ZNF679: variants seen among roughly 807,000 people sequenced by gnomAD.
The protein encoded by ZNF679 is zinc finger protein 679.
ZNF679 carries 10 observed loss-of-function variants against 13.4 expected under a neutral mutation model. The ratio of observed to expected loss-of-function variants is 0.75; its 90% CI spans 0.46 to 1.27. ZNF679 has a LOEUF of 1.27. Ranked by LOEUF, ZNF679 falls within the 50% of genes most tolerant of loss-of-function variation. The probability of loss-of-function intolerance (pLI) is 0.00; values close to 1 mark genes in which losing one functional copy is unlikely to be tolerated. For synonymous variants in ZNF679, 179 were observed against 162.5 expected (o/e 1.10, Z -0.77); for missense variants, 525 against 477.8 (o/e 1.10, Z -0.92).
chr7:64,250,462 G>A (rs895261694), intron 2 of ZNF679, among the ~76,000 whole-genome samples: 6 of 151,718 alleles, frequency 4.0e-5, no homozygotes, highest in African/African-American at 1.5e-4. Flanking sequence ...TAAAGATAGA[G>A]TTTTGCCATG....
At chr7:64,239,411 G>A (rs2116515506) in intron 1 of ZNF679, among the ~76,000 whole-genome samples, 1 of 152,232 alleles carries the variant, frequency 6.6e-6, no homozygotes, top group South Asian at 2.1e-4. Context: ...GGAAATGTGG[G>A]TAATTGGGAG....
chr7:64,244,683 AT>A (rs1404697275), intron 1 of ZNF679, among the ~76,000 whole-genome samples: 1 of 152,186 alleles, frequency 6.6e-6, no homozygotes, highest in Non-Finnish European at 1.5e-5. Flanking sequence ...CAGATATCAA[AT>A]CACAAATGAC....
rs1357990461 is a variant in ZNF679 at position 64,236,983 on chromosome 7, GAAAGAAAGAAAGAAAGAAAA to G, written c.-91+8333_-91+8352del. On this transcript the variant is annotated intron_variant, in intron 1 of 4. Transcript: ENST00000421025. ...AAAGAAAGAAAGAAAGAAAAAGAAA[GAAAGAAAGAAAGAAAGAAAA>G]AGAAAGAAAGAAAGAAAGAAACCTA... Among the ~76,000 whole-genome samples, 25 of 65,552 alleles carry G rather than the reference GAAAGAAAGAAAGAAAGAAAA, an allele frequency of 3.8e-4. 1 individual carries two copies. Among genetic ancestry groups the G allele is most frequent in the South Asian group, 2.5e-3 (6 of 2,380 alleles). 43.0% of individuals were successfully genotyped at this position (65,552 alleles called of 152,430 possible).
At chr7:64,259,117 G>T (rs1788042632) in intron 2 of ZNF679, among the ~76,000 whole-genome samples, 1 of 151,934 alleles carries the variant, frequency 6.6e-6, no homozygotes. Context: ...TTACCATGTT[G>T]GCCAGGCTGG....
intron 2 of ZNF679, among the ~76,000 whole-genome samples, chr7:64,254,130 C>CA (rs1787973677): frequency 7.2e-6 from 1 of 138,260 alleles, no homozygotes; most frequent in South Asian, 2.3e-4. Flanking sequence ...TTTATTATTA[C>CA]TTTTTTTTTT....
At chr7:64,250,611 C>T (rs769794358) in intron 2 of ZNF679, among the ~76,000 whole-genome samples, 10 of 151,236 alleles carry the variant, frequency 6.6e-5, no homozygotes, top group Admixed American at 1.3e-4. Context: ...TTTTTTGAGA[C>T]GGAGCCCCAT....
At chr7:64,237,125 G>A (rs1000973467) in intron 1 of ZNF679, among the ~76,000 whole-genome samples, 1 of 152,170 alleles carries the variant, frequency 6.6e-6, no homozygotes, top group Non-Finnish European at 1.5e-5. Context: ...TGTGCATGCA[G>A]GCAGATGGGA....
At chr7:64,239,003 AC>A (rs1197794205) in intron 1 of ZNF679, among the ~76,000 whole-genome samples, 1 of 151,960 alleles carries the variant, frequency 6.6e-6, no homozygotes, top group Admixed American at 6.6e-5. Flanking sequence ...GGATTATGTC[AC>A]CCATGCATAT....
At chr7:64,241,773 G>T (rs569115061) in intron 1 of ZNF679, among the ~76,000 whole-genome samples, 5 of 152,296 alleles carry the variant, frequency 3.3e-5, no homozygotes, top group African/African-American at 1.2e-4. Flanking sequence ...GAGATATTTT[G>T]TAATTTCTCC....
Position 64,266,613 on chromosome 7 carries a change from A to T in ZNF679, c.980A>T (p.Glu327Val). Residue 327 changes from glutamate (E) to valine (V), a missense_variant, in exon 5 of 5, where the codon GAA becomes GTA. Physicochemically the swap from Glu to Val is moderately radical, Grantham distance 121. Coordinates refer to ENST00000421025, the MANE Select transcript of ZNF679 (RefSeq NM_153363.3). ...ACTGGAGAGAAACCCTACACATGTG[A>T]AGAATGTGGCAAAGCCTTTAACTGC... ...IHTGEKPYTC[E>V]ECGKAFNCSS... 5 of 1,610,738 alleles carry T rather than the reference A, an allele frequency of 3.1e-6. No individual in the cohort carries two copies. The highest frequency in any genetic ancestry group is 4.2e-6 in the Non-Finnish European group (5 of 1,177,056).
At chr7:64,243,961 T>C (rs1165357788) in intron 1 of ZNF679, among the ~76,000 whole-genome samples, 1 of 152,092 alleles carries the variant, frequency 6.6e-6, no homozygotes, top group Non-Finnish European at 1.5e-5. Context: ...TTAATTAAGT[T>C]GACTTTTGGG....
intron 2 of ZNF679, among the ~76,000 whole-genome samples, chr7:64,258,453 A>G (rs993547227): frequency 4.6e-5 from 7 of 152,092 alleles, no homozygotes; most frequent in Non-Finnish European, 1.0e-4. Flanking sequence ...ATATAATCCC[A>G]ACACTTAGGG....
chr7:64,253,968 A>G (rs981433666), intron 2 of ZNF679, among the ~76,000 whole-genome samples: 1 of 152,222 alleles, frequency 6.6e-6, no homozygotes, highest in African/African-American at 2.4e-5. Flanking sequence ...TTCTTTTATA[A>G]GAAAAGTAGA....
At position 64,262,343 on chromosome 7, in the gene ZNF679, A is replaced by G. The variant is rs1488718065; in HGVS notation, c.262+1414A>G. Among the ~76,000 whole-genome samples the G allele has an allele frequency of 3.9e-5, 6 of 152,204 alleles. No homozygotes were observed. The East Asian group carries it at 1.2e-3, about 29-fold the overall frequency. ...AAATTTTGAAGTTTAGCCCAGTTAA[A>G]TTTTCCTGTTCTTCTCTTTGTTGCT... On this transcript the variant is annotated intron_variant, in intron 4 of 4. Coordinates refer to ENST00000421025, the MANE Select transcript of ZNF679 (RefSeq NM_153363.3).
Position 64,266,861 on chromosome 7 carries a change from T to A in ZNF679, c.1228T>A (p.Cys410Ser). 1.3e-6 allele frequency: 2 copies of A among 1,563,286 alleles called. No individual in the cohort carries two copies. Among genetic ancestry groups the A allele is most frequent in the Non-Finnish European group, 1.7e-6 (2 of 1,155,098 alleles). ...SMHTGEKPYK[C>S]E ...GCATACTGGAGAGAAACCCTACAAATGTGAATAATGTGATAAAGTCCAGCC... is the reference window on the plus strand; with the variant it reads ...GCATACTGGAGAGAAACCCTACAAAAGTGAATAATGTGATAAAGTCCAGCC... The change falls in exon 5 of 5, where the codon TGT (cysteine) becomes AGT (serine). Residue 410 changes from cysteine to serine, a missense_variant. Cys to Ser is a moderately radical substitution (Grantham distance 112, BLOSUM62 -1). Transcript: ENST00000421025.
chr7:64,245,444 G>GAGAGGGAGA, intron 1 of ZNF679, among the ~76,000 whole-genome samples: 1 of 113,584 alleles, frequency 8.8e-6, no homozygotes, highest in African/African-American at 2.8e-5. Flanking sequence ...AGAGAGAGAG[G>GAGAGGGAGA]GAGAGAGAGA....
chr7:64,236,975 A>AAGAGAGAG (rs201487010), intron 1 of ZNF679, among the ~76,000 whole-genome samples: 6 of 16,264 alleles, frequency 3.7e-4, no homozygotes, highest in African/African-American at 9.4e-4. Flanking sequence ...GAAAGAAAGA[A>AAGAGAGAG]AAAGAAAGAA....
chr7:64,236,508 G>A (rs1329560760), intron 1 of ZNF679, among the ~76,000 whole-genome samples: 1 of 152,002 alleles, frequency 6.6e-6, no homozygotes, highest in African/African-American at 2.4e-5. Context: ...TGGGGGCAGG[G>A]CTCAGTGCCT....
Position 64,253,919 on chromosome 7 carries a change from G to A in ZNF679, c.39+4763G>A, listed in dbSNP as rs58931005. Among the ~76,000 whole-genome samples, 665 of 152,224 alleles carry A rather than the reference G, an allele frequency of 4.4e-3. 18 individuals carry two copies. The East Asian group carries it at 0.069, about 16-fold the overall frequency. ...AAATGTAAGCAAAGTTGATTAAGAA[G>A]TATTTTGTTTTGACCACTGAAGAAA... On this transcript the variant is annotated intron_variant, in intron 2 of 4. Transcript: ENST00000421025.
Sources: allele counts gnomAD v4.1 joint callset (sites outside exome capture counted in the v4.1 genomes callset), GRCh38; gene constraint gnomAD v4.1.1; transcripts MANE v1.5; gene names NCBI Gene and HGNC (gene_info 2026-07-23, HGNC 2026-07-21).